The following ERC2 variants were observed in gnomAD, a reference collection of about 807,000 sequenced individuals.
ERC2 encodes ELKS/RAB6-interacting/CAST family member 2.
ERC2 carries 42 observed loss-of-function variants against 114.8 expected under a neutral mutation model. The observed-to-expected ratio is 0.37, with a 90% CI of 0.29 to 0.47. The LOEUF (loss-of-function observed/expected upper bound fraction) is 0.47. Ranked by LOEUF, ERC2 falls within the 20% of genes least tolerant of loss-of-function variation. The pLI is 0.99. For missense variants in ERC2, 939 were observed against 1,150.7 expected, an observed-to-expected ratio of 0.82 and a Z score of 2.66; for synonymous variants, 454 against 425.5, an observed-to-expected ratio of 1.07 and a Z score of -0.82.
chr3:55,760,404 C>T (rs1237239740), intron 14 of ERC2, among the ~76,000 whole-genome samples: 1 of 152,106 alleles, frequency 6.6e-6, no homozygotes, highest in African/African-American at 2.4e-5. Flanking sequence ...TGGGTCAGCT[C>T]TTTGATATTT....
intron 13 of ERC2, among the ~76,000 whole-genome samples, chr3:55,932,052 A>T (rs1426324948): frequency 1.3e-5 from 2 of 152,154 alleles, no homozygotes; most frequent in African/African-American, 4.8e-5. Flanking sequence ...GTCTCCTCCC[A>T]TGTTTTCATA....
intron 2 of ERC2, among the ~76,000 whole-genome samples, chr3:56,324,775 C>T (rs1400067547): frequency 6.6e-6 from 1 of 152,126 alleles, no homozygotes; most frequent in East Asian, 1.9e-4. Flanking sequence ...CCCTGACTAC[C>T]TCTGAGACCT....
chr3:55,555,431 A>T (rs888409103), intron 17 of ERC2, among the ~76,000 whole-genome samples: 1 of 152,196 alleles, frequency 6.6e-6, no homozygotes, highest in Non-Finnish European at 1.5e-5. Context: ...GCCAACTCTC[A>T]AATGACACCA....
chr3:55,951,704 T>C (rs1370536268), intron 12 of ERC2, among the ~76,000 whole-genome samples: 3 of 152,012 alleles, frequency 2.0e-5, no homozygotes, highest in Admixed American at 6.6e-5. Context: ...TTCGGATCCC[T>C]TTCCCCCATA....
At chr3:56,078,491 C>T (rs2149750352) in intron 7 of ERC2, among the ~76,000 whole-genome samples, 1 of 152,102 alleles carries the variant, frequency 6.6e-6, no homozygotes, top group East Asian at 1.9e-4. Context: ...TATGAAAAGA[C>T]AAAATCATGG....
At chr3:56,308,867 C>G (rs2056381392) in intron 2 of ERC2, among the ~76,000 whole-genome samples, 1 of 152,070 alleles carries the variant, frequency 6.6e-6, no homozygotes, top group African/African-American at 2.4e-5. Context: ...AAAACAGAAT[C>G]TCTTTGCAGA....
intron 2 of ERC2, among the ~76,000 whole-genome samples, chr3:56,327,569 AG>A (rs1282877764): frequency 2.0e-5 from 3 of 152,292 alleles, no homozygotes; most frequent in Admixed American, 6.5e-5. Flanking sequence ...CCAGCTACTC[AG>A]GAGGCTGAGG....
chr3:56,219,429 G>A (rs1311796948), intron 3 of ERC2, among the ~76,000 whole-genome samples: 2 of 152,190 alleles, frequency 1.3e-5, no homozygotes, highest in African/African-American at 2.4e-5. Flanking sequence ...GAATGTCTGT[G>A]GGCTACACAC....
intron 3 of ERC2, among the ~76,000 whole-genome samples, chr3:56,197,862 G>C (rs1386848641): frequency 6.6e-6 from 1 of 152,102 alleles, no homozygotes; most frequent in Non-Finnish European, 1.5e-5. Flanking sequence ...TTAGTGTTTG[G>C]GTTCACAAGA....
At chr3:55,821,930 T>C (rs2060140205) in intron 14 of ERC2, among the ~76,000 whole-genome samples, 1 of 152,244 alleles carries the variant, frequency 6.6e-6, no homozygotes, top group South Asian at 2.1e-4. Context: ...AGAGAATGTG[T>C]ACATTCAGGT....
At chr3:55,689,283 A>G (rs554227209) in intron 16 of ERC2, among the ~76,000 whole-genome samples, 1 of 152,018 alleles carries the variant, frequency 6.6e-6, no homozygotes, top group African/African-American at 2.4e-5. Context: ...TCGTCATTAT[A>G]GGGCAAATTG....
chr3:56,003,221 A>AG (rs34984094), intron 10 of ERC2: 1,048,029 of 1,048,036 alleles, frequency 1, 524,011 homozygotes, highest in Middle Eastern at 1. Context: ...AACAAAATCC[A>AG]TGCATTCGCA....
chr3:56,220,434 G>A (rs2049827502), intron 3 of ERC2, among the ~76,000 whole-genome samples: 1 of 152,200 alleles, frequency 6.6e-6, no homozygotes, highest in Non-Finnish European at 1.5e-5. Context: ...CCAAAAATTG[G>A]CTGACTGAAG....
Position 56,073,490 on chromosome 3 carries a change from TACAGGCCCTGGTTAAGA to T in ERC2, c.1641+7310_1641+7326del, listed in dbSNP as rs2076836001. Among the ~76,000 whole-genome samples, 5 of 152,188 alleles carry T rather than the reference TACAGGCCCTGGTTAAGA, an allele frequency of 3.3e-5. No individual in the cohort carries two copies. In the South Asian group the frequency reaches 1.0e-3, roughly 31 times the overall value. ...GAGTAGGGAGGTTCTAAGCCTCTGT[TACAGGCCCTGGTTAAGA>T]ACCTCTGCCTTAGACCCATGGCCAC... On this transcript the variant is annotated intron_variant, in intron 7 of 17. Coordinates refer to ENST00000288221, the MANE Select transcript of ERC2 (RefSeq NM_015576.3).
chr3:56,343,418 T>C (rs1162449816), intron 2 of ERC2, among the ~76,000 whole-genome samples: 1 of 151,702 alleles, frequency 6.6e-6, no homozygotes, highest in South Asian at 2.1e-4. Flanking sequence ...GTAATCTCTA[T>C]GCTTTCGGAG....
intron 4 of ERC2, among the ~76,000 whole-genome samples, chr3:56,170,938 GTAT>G (rs1401000620): frequency 6.6e-6 from 1 of 151,648 alleles, no homozygotes; most frequent in Non-Finnish European, 1.5e-5. Context: ...CTAATTTTTT[GTAT>G]TTTTTAGTAG....
At chr3:55,839,288 G>A (rs1384178148) in intron 14 of ERC2, among the ~76,000 whole-genome samples, 2 of 151,610 alleles carry the variant, frequency 1.3e-5, no homozygotes, top group Non-Finnish European at 3.0e-5. Context: ...CTAAAAAAAA[G>A]CTTATAGAAT....
Position 56,387,024 on chromosome 3 carries a change from T to C in ERC2, c.657+47327A>G, listed in dbSNP as rs569915616. Among the ~76,000 whole-genome samples, 6 of 152,300 alleles carry C rather than the reference T, an allele frequency of 3.9e-5. No homozygotes were observed. The East Asian group carries it at 1.2e-3, about 29-fold the overall frequency. ...ACCTGGGTGGTGCCATTACTTTCAA[T>C]GGCAAAAACTGTGATTATTTTGGCA... On this transcript the variant is annotated intron_variant, in intron 2 of 17. Coordinates refer to ENST00000288221, the MANE Select transcript of ERC2 (RefSeq NM_015576.3).
At chr3:55,965,329 C>T (rs1331622500) in intron 12 of ERC2, among the ~76,000 whole-genome samples, 4 of 152,328 alleles carry the variant, frequency 2.6e-5, no homozygotes, top group Non-Finnish European at 5.9e-5. Flanking sequence ...ATTTAAAATG[C>T]AGCCCATGCA....
Sources: allele counts gnomAD v4.1 joint callset (sites outside exome capture counted in the v4.1 genomes callset), GRCh38; gene constraint gnomAD v4.1.1; transcripts MANE v1.5; gene names NCBI Gene and HGNC (gene_info 2026-07-23, HGNC 2026-07-21).